Variants in ZC3H7B observed in about 807,000 individuals in gnomAD.
The protein encoded by ZC3H7B is zinc finger CCCH-type containing 7B, also known as zinc finger CCCH domain-containing protein 7B.
A neutral mutation model predicts 116.0 loss-of-function variants in ZC3H7B; 35 were observed. The observed-to-expected ratio is 0.30, with a 90% confidence interval of 0.23 to 0.40. ZC3H7B has a LOEUF of 0.40. Among genes scored for constraint, ZC3H7B ranks in the 10% least tolerant of loss-of-function variants. The pLI, the probability that ZC3H7B is intolerant of heterozygous loss-of-function variation, is 1.00. For missense variants in ZC3H7B, 1,011 were observed against 1,321.5 expected (o/e 0.77, Z 3.64); for synonymous variants, 502 against 545.6 (o/e 0.92, Z 1.11).
chr22:41,322,030 G>A (rs1275583062), intron 2 of ZC3H7B, among the ~76,000 whole-genome samples: 1 of 149,648 alleles, frequency 6.7e-6, no homozygotes, highest in Non-Finnish European at 1.5e-5. Context: ...TAGTAGAGAC[G>A]GGGTTTCACC....
rs3817999 is a variant in ZC3H7B at position 41,351,713 on chromosome 22, G to A, written c.2034+67G>A. On this transcript the variant is annotated intron_variant, in intron 17 of 22. Coordinates refer to ENST00000352645, the MANE Select transcript of ZC3H7B (RefSeq NM_017590.6). This position sits in a 1 kb window ranked among gnomAD's most constrained non-coding sequence, Gnocchi z 5.1. ...ATTGTCCCCAAATTACAAACAGGAAGGCTCTAATTTTACAATAGAGAAATG... is the reference window on the plus strand; with the variant it reads ...ATTGTCCCCAAATTACAAACAGGAAAGCTCTAATTTTACAATAGAGAAATG... 415,079 of 1,493,192 alleles carry A rather than the reference G, an allele frequency of 0.28. 66,899 individuals carry two copies. The highest frequency in any genetic ancestry group is 0.59 in the Admixed American group (29,840 of 50,778). 92.5% of individuals were successfully genotyped at this position (1,493,192 alleles called of 1,614,324 possible). A position where few individuals can be genotyped will look rare whatever the true frequency, so the allele number is the denominator to read the frequency against.
chr22:41,355,823 G>T lies in ZC3H7B; in HGVS notation c.2235G>T (p.Arg745Ser). The change falls in exon 19 of 23, where the codon AGG becomes AGT. Residue 745 changes from arginine (R) to serine (S), a missense_variant. By Grantham distance (110) the Arg-to-Ser change is moderately radical (BLOSUM62 -1). This residue lies in a region of ZC3H7B where 406 missense variants were observed against 590.2 expected (regional missense o/e 0.69). Transcript: ENST00000352645. The part of the protein sequence containing the change: ...SKAKRKWVSV[R>S]PLPSIRNFPQ... ...CCAAGAGGAAATGGGTGTCAGTGAGGCCACTGCCATCCATTCGTAACTTCC... is the reference window on the plus strand; with the variant it reads ...CCAAGAGGAAATGGGTGTCAGTGAGTCCACTGCCATCCATTCGTAACTTCC... 6 of 1,613,720 alleles carry T rather than the reference G, an allele frequency of 3.7e-6. No homozygotes were observed. Among genetic ancestry groups the T allele is most frequent in the Non-Finnish European group, 5.1e-6 (6 of 1,180,012 alleles).
chr22:41,356,025 G>A lies in ZC3H7B; in HGVS notation c.2346G>A (p.Glu782=). The A allele has an allele frequency of 6.4e-7, 1 of 1,569,114 alleles. No individual in the cohort carries two copies. The highest frequency in any genetic ancestry group is 2.2e-5 in the East Asian group (1 of 44,584). ...ACTGCTCCTTCGCACACAGCCCGGA[G>A]GAGAGGGACATGTGGACCTTCATGA... is the stretch of plus-strand genomic sequence containing the variant. ...VGNCSFAHSP[E]ERDMWTFMKE... is the part of the protein sequence containing the mutation. The change falls in exon 20 of 23, where the codon GAG becomes GAA. Residue 782 remains glutamate (E), a synonymous_variant. Coordinates refer to ENST00000352645, the MANE Select transcript of ZC3H7B (RefSeq NM_017590.6).
At chr22:41,345,649 G>A (rs1265004072) in intron 13 of ZC3H7B, among the ~76,000 whole-genome samples, 1 of 152,208 alleles carries the variant, frequency 6.6e-6, no homozygotes, top group Non-Finnish European at 1.5e-5. Flanking sequence ...ATCCTGTGGG[G>A]TGAGTGGGGT....
In ZC3H7B at chr22:41,302,352, A is replaced by C. The variant is rs906393145; in HGVS notation, c.-7+580A>C. Among the ~76,000 whole-genome samples, 56 of 151,348 alleles carry C rather than the reference A, an allele frequency of 3.7e-4. No individual in the cohort carries two copies. The highest frequency in any genetic ancestry group is 1.9e-3 in the Admixed American group (29 of 15,250). ...GCGAGCCCGGGGATCCGGGGCCTGC[A>C]GCCGGGCCCGCGGGAAGGGGGCGGC... On this transcript the variant is annotated intron_variant, in intron 1 of 22. Coordinates refer to ENST00000352645, the MANE Select transcript of ZC3H7B (RefSeq NM_017590.6). The surrounding 1 kb of genome is among the most constrained non-coding windows in gnomAD (Gnocchi z 5.7).
intron 1 of ZC3H7B, among the ~76,000 whole-genome samples, chr22:41,308,543 C>G (rs994994646): frequency 1.8e-4 from 27 of 152,310 alleles, no homozygotes; most frequent in African/African-American, 6.0e-4. Context: ...ATCTTCTTCA[C>G]TGTCTGCCTT....
intron 22 of ZC3H7B, among the ~76,000 whole-genome samples, 168 bp downstream of exon 22, chr22:41,356,976 GCTCA>G (rs2036730355): frequency 6.6e-6 from 1 of 152,144 alleles, no homozygotes; most frequent in African/African-American, 2.4e-5. Flanking sequence ...GGAGGGCTGG[GCTCA>G]GACCTATCTA....
intron 1 of ZC3H7B, among the ~76,000 whole-genome samples, chr22:41,313,147 C>T (rs1235013094): frequency 6.6e-6 from 1 of 150,794 alleles, no homozygotes; most frequent in African/African-American, 2.4e-5. Flanking sequence ...GAGACGGAGT[C>T]TCGCTGTGTC....
chr22:41,332,174 T>C lies in ZC3H7B; in HGVS notation c.529T>C (p.Leu177=), dbSNP rs1157096003. The change falls in exon 7 of 23, where the codon TTG becomes CTG. Residue 177 remains leucine (L), a synonymous_variant. Coordinates refer to ENST00000352645, the MANE Select transcript of ZC3H7B (RefSeq NM_017590.6). ...VRKAYKRPQE[L]ETFSLLSNGT... ...ACCTCTCTCCAATCTCTGGCAGGAA[T>C]TGGAAACCTTTTCTCTGCTCAGTAA... 1 of 1,614,134 alleles carries C rather than the reference T, an allele frequency of 6.2e-7. No individual in the cohort carries two copies. The highest frequency in any genetic ancestry group is 1.7e-5 in the Admixed American group (1 of 60,018).
chr22:41,313,081 G>A (rs2036137194), intron 1 of ZC3H7B, among the ~76,000 whole-genome samples: 1 of 152,006 alleles, frequency 6.6e-6, no homozygotes, highest in Non-Finnish European at 1.5e-5. Context: ...CATAAAAAAT[G>A]AGGTGGGGCA....
chr22:41,332,427 C>A (rs1041403692), intron 7 of ZC3H7B, 200 bp downstream of exon 7: 9 of 626,312 alleles, frequency 1.4e-5, no homozygotes, highest in East Asian at 2.8e-5. Flanking sequence ...GCCGGGGAGC[C>A]GCCGGGGGCA....
In ZC3H7B at chr22:41,338,366, C is replaced by G. The variant is rs200393656; in HGVS notation, c.625+11C>G. 5.6e-6 allele frequency: 9 copies of G among 1,613,020 alleles called. No homozygotes were observed. Among genetic ancestry groups the G allele is most frequent in the Non-Finnish European group, 7.6e-6 (9 of 1,179,578 alleles). On this transcript the variant is annotated intron_variant, in intron 8 of 22. Transcript: ENST00000352645. The surrounding 1 kb of genome is among the most constrained non-coding windows in gnomAD (Gnocchi z 4.5). ...ATGACATCGAAACAGGTAATGTCCC[C>G]GATACGAGGGAACAAGTGGAAATTG... is the stretch of plus-strand genomic sequence containing the variant.
intron 1 of ZC3H7B, among the ~76,000 whole-genome samples, chr22:41,314,024 G>A (rs2036150743): frequency 6.6e-6 from 1 of 151,664 alleles, no homozygotes; most frequent in Non-Finnish European, 1.5e-5. Context: ...CAAAGTGCTC[G>A]GATTATAGGC....
chr22:41,320,268 G>A (rs768642574), intron 1 of ZC3H7B, among the ~76,000 whole-genome samples: 1 of 151,872 alleles, frequency 6.6e-6, no homozygotes, highest in Non-Finnish European at 1.5e-5. Flanking sequence ...AGGAAACGGA[G>A]GTTGCAGTGA....
rs761588052 is a variant in ZC3H7B at position 41,346,000 on chromosome 22, C to T, written c.1460-3C>T. The T allele has an allele frequency of 6.2e-7, 1 of 1,614,038 alleles. No individual in the cohort carries two copies. The highest frequency in any genetic ancestry group is 1.1e-5 in the South Asian group (1 of 91,088). On this transcript the variant is annotated splice_polypyrimidine_tract_variant and splice_region_variant and intron_variant, in intron 13 of 22. Transcript: ENST00000352645. ...GAACGTGTGTCCTGTTGCCTCTTTG[C>T]AGACATGATTAACAAGCAGGACTGT...
Position 41,301,666 on chromosome 22 carries a change from C to T in ZC3H7B, c.-113C>T, listed in dbSNP as rs1255924066. The T allele has an allele frequency of 6.6e-6, 1 of 152,134 alleles. No homozygotes were observed. The allele number at this position is 152,134 out of a possible 1,614,324, so 9.4% of individuals were successfully genotyped here. ...GATGCGGCCGCCCGTAATTAAATAG[C>T]ATTTACTCTTATTATTACTAATAAT... is the stretch of plus-strand genomic sequence containing the variant. On this transcript the variant is annotated 5_prime_UTR_variant, in exon 1 of 23. Coordinates refer to ENST00000352645, the MANE Select transcript of ZC3H7B (RefSeq NM_017590.6).
chr22:41,312,747 A>G (rs1386234201), intron 1 of ZC3H7B, among the ~76,000 whole-genome samples: 1 of 151,834 alleles, frequency 6.6e-6, no homozygotes, highest in Non-Finnish European at 1.5e-5. Flanking sequence ...GTCTCTACAA[A>G]AAATACAAAA....
chr22:41,333,704 G>A (rs1206936559), intron 7 of ZC3H7B: 1 of 152,188 alleles, frequency 6.6e-6, no homozygotes, highest in Admixed American at 6.6e-5. Flanking sequence ...AAGGTGATTT[G>A]TCTAAGTTTA....
chr22:41,346,254 CAG>C lies in ZC3H7B; in HGVS notation c.1665+47_1665+48del. The C allele has an allele frequency of 6.3e-7, 1 of 1,592,044 alleles. No individual in the cohort carries two copies. The highest frequency in any genetic ancestry group is 8.5e-7 in the Non-Finnish European group (1 of 1,172,954). The stretch of plus-strand genomic sequence containing the variant: ...GCCACCCCATAGGCCATGGCACAGA[CAG>C]GGCTGGGGATGCTCCCTGGCACGGA... On this transcript the variant is annotated intron_variant, in intron 14 of 22. Coordinates refer to ENST00000352645, the MANE Select transcript of ZC3H7B (RefSeq NM_017590.6). This position sits in a 1 kb window ranked among gnomAD's most constrained non-coding sequence, Gnocchi z 5.3.
Sources: allele counts gnomAD v4.1 joint callset (sites outside exome capture counted in the v4.1 genomes callset), GRCh38; gene constraint gnomAD v4.1.1; regional missense constraint gnomAD v4.1.1; non-coding constraint Gnocchi (gnomAD v3.1); transcripts MANE v1.5; gene names NCBI Gene and HGNC (gene_info 2026-07-23, HGNC 2026-07-21).